The following PMP22 variants were observed in gnomAD, a reference collection of about 807,000 sequenced individuals.
PMP22 encodes Charcot-Marie-Tooth neuropathy 1A (greatly reduced nerve conduction velocity, hereditary motor sensory neuropathy Ia).
A neutral mutation model predicts 18.9 loss-of-function variants in PMP22; 2 were observed. That is an observed-to-expected ratio of 0.11 (90% CI 0.04 to 0.33). The LOEUF is 0.33. Among genes scored for constraint, PMP22 ranks in the 10% least tolerant of loss-of-function variants. PMP22 has a pLI of 1.00. For synonymous variants in PMP22, 95 were observed against 89.2 expected, an observed-to-expected ratio of 1.07 and a Z score of -0.37; for missense variants, 169 against 202.2, an observed-to-expected ratio of 0.84 and a Z score of 1.00.
intron 3 of PMP22, among the ~76,000 whole-genome samples, chr17:15,242,860 A>G (rs981637069): frequency 2.6e-5 from 4 of 152,218 alleles, no homozygotes; most frequent in African/African-American, 9.6e-5. Context: ...CATATACCTA[A>G]AGGCAAACAG....
rs1329054842 is a variant in PMP22, at chr17:15,230,298, C to T, written c.*619G>A. The T allele has an allele frequency of 6.5e-6, 1 of 154,680 alleles. No individual in the cohort carries two copies. The highest frequency in any genetic ancestry group is 1.9e-4 in the East Asian group (1 of 5,232). The allele number at this position is 154,680 out of a possible 1,614,324, so 9.6% of individuals were successfully genotyped here. A position where few individuals can be genotyped will look rare whatever the true frequency, so the allele number is the denominator to read the frequency against. On this transcript the variant is annotated 3_prime_UTR_variant, in exon 5 of 5. Coordinates refer to ENST00000312280, the MANE Select transcript of PMP22 (RefSeq NM_000304.4). ...TAGATGTGTGACGAAGATACTCCAC[C>T]TGTAAGGGCAAGTATGCCAATGCCA...
At chr17:15,265,029 A>G (rs1179105082) in intron 1 of PMP22, 125 bp downstream of exon 1, 3 of 152,170 alleles carry the variant, frequency 2.0e-5, no homozygotes. Flanking sequence ...GTCAATTCCA[A>G]CACAAATGCA....
rs1048230259 is a variant in PMP22, at chr17:15,258,945, C to T, written c.178+149G>A. ...GCGAGATCACCACCCCTCCCATTTT[C>T]CCTGGACTCATGGCTCCCTGTCACA... On this transcript the variant is annotated intron_variant, in intron 3 of 4. Transcript: ENST00000312280. The surrounding 1 kb of genome is among the most constrained non-coding windows in gnomAD (Gnocchi z 4.1). 5.7e-6 allele frequency: 4 copies of T among 704,026 alleles called. No individual in the cohort carries two copies. The highest frequency in any genetic ancestry group is 1.5e-5 in the South Asian group (1 of 66,200). The allele number at this position is 704,026 out of a possible 1,614,324, so 43.6% of individuals were successfully genotyped here. A position where few individuals can be genotyped will look rare whatever the true frequency, so the allele number is the denominator to read the frequency against.
chr17:15,244,699 A>T (rs1907639768), intron 3 of PMP22, among the ~76,000 whole-genome samples: 2 of 152,244 alleles, frequency 1.3e-5, no homozygotes, highest in Non-Finnish European at 2.9e-5. Flanking sequence ...CATCATTATG[A>T]AAACAAACAC....
chr17:15,258,107 T>C lies in PMP22; in HGVS notation c.178+987A>G, dbSNP rs776664300. ...TCTGGTGTAGCATCTTGAACATATA[T>C]ACTGGATCTATGAGTAGCTCCAGCA... is the stretch of plus-strand genomic sequence containing the variant. On this transcript the variant is annotated intron_variant, in intron 3 of 4. Coordinates refer to ENST00000312280, the MANE Select transcript of PMP22 (RefSeq NM_000304.4). The surrounding 1 kb of genome is among the most constrained non-coding windows in gnomAD (Gnocchi z 4.1). Among the ~76,000 whole-genome samples, 1 of 152,142 alleles carries C rather than the reference T, an allele frequency of 6.6e-6. No individual in the cohort carries two copies. The highest frequency in any genetic ancestry group is 1.5e-5 in the Non-Finnish European group (1 of 68,034).
chr17:15,246,102 A>C lies in PMP22; in HGVS notation c.179-6491T>G, dbSNP rs1025113543. ...ATTAGCACATTGGCCAGAACTCCAA[A>C]AGTGTTTTGATACAACTTTGGTATC... On this transcript the variant is annotated intron_variant, in intron 3 of 4. Transcript: ENST00000312280. Among the ~76,000 whole-genome samples the C allele has an allele frequency of 2.0e-5, 3 of 152,340 alleles. No homozygotes were observed. In the South Asian group the frequency reaches 6.2e-4, roughly 32 times the overall value.
chr17:15,235,008 T>C (rs1005576517), intron 4 of PMP22, among the ~76,000 whole-genome samples: 3 of 152,136 alleles, frequency 2.0e-5, no homozygotes, highest in African/African-American at 2.4e-5. Flanking sequence ...TTTGTAGAGA[T>C]GGCATCTCGC....
At chr17:15,252,860 C>G (rs558364872) in intron 3 of PMP22, among the ~76,000 whole-genome samples, 1 of 152,164 alleles carries the variant, frequency 6.6e-6, no homozygotes, top group East Asian at 1.9e-4. Flanking sequence ...GGGGCCAGGG[C>G]AAGCCAGGAC....
intron 4 of PMP22, among the ~76,000 whole-genome samples, chr17:15,233,300 T>C (rs752564919): frequency 1.3e-5 from 2 of 152,210 alleles, no homozygotes; most frequent in Non-Finnish European, 2.9e-5. Context: ...CGGGACTCCC[T>C]GGTAGGGGCC....
At chr17:15,254,989 G>A (rs1180330971) in intron 3 of PMP22, among the ~76,000 whole-genome samples, 3 of 152,110 alleles carry the variant, frequency 2.0e-5, no homozygotes, top group Non-Finnish European at 4.4e-5. Context: ...ACTTATACCT[G>A]GAGAGGTGGT....
chr17:15,259,072 T>C lies in PMP22; in HGVS notation c.178+22A>G, dbSNP rs231020. Reference sequence around the variant, plus strand: ...TTACAGGCGTCTGAGGACAAGCTCATGGAGCACAAAACCAGCCTCACCGTT... The same window carrying C: ...TTACAGGCGTCTGAGGACAAGCTCACGGAGCACAAAACCAGCCTCACCGTT... On this transcript the variant is annotated intron_variant, in intron 3 of 4. Coordinates refer to ENST00000312280, the MANE Select transcript of PMP22 (RefSeq NM_000304.4). 828,209 of 1,544,988 alleles carry C rather than the reference T, an allele frequency of 0.54. 224,994 individuals are homozygous for C. Among genetic ancestry groups the C allele is most frequent in the African/African-American group, 0.76 (55,968 of 73,722 alleles).
intron 2 of PMP22, 125 bp from the exon 3 acceptor site, chr17:15,259,318 GCA>G: frequency 1.3e-6 from 1 of 758,724 alleles, no homozygotes; most frequent in South Asian, 1.5e-5. Flanking sequence ...GCCCACCCCT[GCA>G]TGGTAAGAGC....
intron 3 of PMP22, among the ~76,000 whole-genome samples, chr17:15,240,877 A>G (rs1382546299): frequency 6.6e-6 from 1 of 152,200 alleles, no homozygotes; most frequent in Non-Finnish European, 1.5e-5. Context: ...TGGATGGTTT[A>G]TAATTAGTAA....
chr17:15,250,633 T>C (rs1317806418), intron 3 of PMP22, among the ~76,000 whole-genome samples: 1 of 152,184 alleles, frequency 6.6e-6, no homozygotes, highest in Non-Finnish European at 1.5e-5. Flanking sequence ...GCCCAAAACG[T>C]AGAGTCATCT....
chr17:15,237,286 C>G (rs1906898604), intron 4 of PMP22, among the ~76,000 whole-genome samples: 1 of 152,158 alleles, frequency 6.6e-6, no homozygotes, highest in Admixed American at 6.5e-5. Flanking sequence ...TATCTCTGGA[C>G]TTTGAGTTTT....
intron 3 of PMP22, among the ~76,000 whole-genome samples, chr17:15,251,315 A>G (rs1908321060): frequency 6.6e-6 from 1 of 152,054 alleles, no homozygotes; most frequent in Non-Finnish European, 1.5e-5. Context: ...TCCACTACCC[A>G]TAGTGATGCA....
intron 3 of PMP22, among the ~76,000 whole-genome samples, chr17:15,242,857 C>T (rs989289078): frequency 2.6e-5 from 4 of 151,934 alleles, no homozygotes; most frequent in East Asian, 3.8e-4. Context: ...CAACATATAC[C>T]TAAAGGCAAA....
chr17:15,263,189 G>A (rs1041187637), intron 1 of PMP22, among the ~76,000 whole-genome samples: 31 of 152,200 alleles, frequency 2.0e-4, no homozygotes, highest in African/African-American at 7.2e-4. Context: ...AAGTCCGGCC[G>A]ACTACTGGAT....
chr17:15,241,560 C>T (rs1907321493), intron 3 of PMP22, among the ~76,000 whole-genome samples: 1 of 152,070 alleles, frequency 6.6e-6, no homozygotes, highest in African/African-American at 2.4e-5. Flanking sequence ...AACCCCGCGC[C>T]CCTGTCATTT....
Sources: allele counts gnomAD v4.1 joint callset (sites outside exome capture counted in the v4.1 genomes callset), GRCh38; gene constraint gnomAD v4.1.1; non-coding constraint Gnocchi (gnomAD v3.1); transcripts MANE v1.5; gene names NCBI Gene and HGNC (gene_info 2026-07-23, HGNC 2026-07-21).